CSMD2: variants seen among roughly 807,000 people sequenced by gnomAD.
The protein encoded by CSMD2 is CUB and Sushi multiple domains 2.
Under a neutral mutation model 398.5 loss-of-function variants are expected in CSMD2, and 130 were observed. The observed-to-expected ratio is 0.33, with a 90% CI of 0.28 to 0.38. The LOEUF is 0.38. Ranked by LOEUF, CSMD2 falls within the 10% of genes least tolerant of loss-of-function variation. The probability of loss-of-function intolerance (pLI) is 1.00; values close to 1 mark genes in which losing one functional copy is unlikely to be tolerated. For synonymous variants in CSMD2, 1,828 were observed against 1,908.5 expected (o/e 0.96, Z 1.10); for missense variants, 3,829 against 4,764.9 (o/e 0.80, Z 5.78).
intron 2 of CSMD2, 85 bp downstream of exon 2, chr1:34,088,892 C>A (rs1658225134): frequency 1.7e-6 from 2 of 1,156,418 alleles, no homozygotes; most frequent in Non-Finnish European, 2.6e-6. Context: ...TGACCATAAA[C>A]TTTTCACTCG....
intron 25 of CSMD2, among the ~76,000 whole-genome samples, chr1:33,681,501 A>G (rs1644907074): frequency 6.6e-6 from 1 of 152,174 alleles, no homozygotes; most frequent in African/African-American, 2.4e-5. Context: ...CCATCAAACC[A>G]TTGACAATAT....
chr1:34,127,097 A>G (rs1677745), intron 1 of CSMD2, among the ~76,000 whole-genome samples: 54,812 of 151,934 alleles, frequency 0.36, 10,992 homozygotes, highest in East Asian at 0.68. Context: ...GAGACCAGAT[A>G]GGGATAGCGG....
intron 3 of CSMD2, among the ~76,000 whole-genome samples, chr1:33,996,637 C>G (rs1479498183): frequency 6.6e-6 from 1 of 152,146 alleles, no homozygotes; most frequent in Non-Finnish European, 1.5e-5. Flanking sequence ...AAGGACACCA[C>G]CATCTCTGGA....
chr1:33,962,093 A>T (rs2125398784), intron 3 of CSMD2, among the ~76,000 whole-genome samples: 1 of 152,294 alleles, frequency 6.6e-6, no homozygotes, highest in South Asian at 2.1e-4. Context: ...AATGGAAAAC[A>T]TTCCAGCAAA....
At chr1:33,580,965 C>T in intron 47 of CSMD2, 66 bp from the exon 48 acceptor site, 1 of 1,544,474 alleles carries the variant, frequency 6.5e-7, no homozygotes, top group Non-Finnish European at 8.8e-7. Flanking sequence ...CAGGGAAGAC[C>T]TCAGGGCTCA....
chr1:33,724,537 G>A lies in CSMD2; in HGVS notation c.2863C>T (p.Arg955Trp), dbSNP rs759408814. ...LECEPNFQWS[R>W]ALPSCEALCG... ...TCACCTTCACAACTGGGCAGGGCCC[G>A]GCTCCACTGGAAGTTGGGCTCACAC... Residue 955 changes from arginine (R) to tryptophan (W), a missense_variant, in exon 18 of 71, where the codon CGG (arginine) becomes TGG (tryptophan). Physicochemically the swap from Arg to Trp is moderately radical, Grantham distance 101. Around this residue, in one of 5 missense-constraint regions of CSMD2, gnomAD observed 2,001 missense variants for 2,567.1 expected, o/e 0.78. Transcript: ENST00000373381. 3.1e-6 allele frequency: 5 copies of A among 1,614,066 alleles called. No individual in the cohort carries two copies. The highest frequency in any genetic ancestry group is 1.7e-5 in the Admixed American group (1 of 60,018).
intron 3 of CSMD2, among the ~76,000 whole-genome samples, chr1:33,999,706 C>A (rs554682334): frequency 4.9e-4 from 75 of 152,272 alleles, no homozygotes; most frequent in African/African-American, 1.7e-3. Flanking sequence ...AAACTAGATT[C>A]TTGGCCCTGG....
chr1:33,621,034 T>C (rs1641738446), intron 37 of CSMD2, among the ~76,000 whole-genome samples: 1 of 152,198 alleles, frequency 6.6e-6, no homozygotes, highest in African/African-American at 2.4e-5. Flanking sequence ...TAGCCAACCA[T>C]GCCTTCCTGC....
intron 26 of CSMD2, among the ~76,000 whole-genome samples, chr1:33,661,220 T>C (rs529092053): frequency 1.3e-5 from 2 of 152,228 alleles, no homozygotes; most frequent in African/African-American, 4.8e-5. Context: ...GCCGCACCCA[T>C]CAGCTTGGGC....
At chr1:34,071,836 T>C (rs951644855) in intron 2 of CSMD2, among the ~76,000 whole-genome samples, 1 of 152,196 alleles carries the variant, frequency 6.6e-6, no homozygotes, top group Non-Finnish European at 1.5e-5. Context: ...CTACGTAGAG[T>C]AGAAAGAATC....
intron 25 of CSMD2, among the ~76,000 whole-genome samples, chr1:33,680,844 G>A (rs1644884753): frequency 6.6e-6 from 1 of 151,462 alleles, no homozygotes; most frequent in Non-Finnish European, 1.5e-5. Flanking sequence ...TGAGATTTGG[G>A]GGTTATCTGT....
At chr1:33,798,408 C>T (rs565803710) in intron 10 of CSMD2, among the ~76,000 whole-genome samples, 1 of 152,274 alleles carries the variant, frequency 6.6e-6, no homozygotes, top group African/African-American at 2.4e-5. Context: ...AATCTAAATG[C>T]CCAGGACATG....
At chr1:33,759,450 T>C (rs1056760332) in intron 13 of CSMD2, among the ~76,000 whole-genome samples, 3 of 150,824 alleles carry the variant, frequency 2.0e-5, no homozygotes, top group African/African-American at 7.3e-5. Flanking sequence ...CTCAGCCTCC[T>C]GAGTACCTGG....
intron 36 of CSMD2, 25 bp downstream of exon 36, chr1:33,623,345 T>C (rs1465890782): frequency 6.5e-6 from 10 of 1,539,192 alleles, no homozygotes; most frequent in Non-Finnish European, 8.1e-6. Context: ...CCCTCCAAAT[T>C]GAAGCCCCTG....
At chr1:34,132,275 C>T (rs1018976366) in intron 1 of CSMD2, among the ~76,000 whole-genome samples, 1 of 152,082 alleles carries the variant, frequency 6.6e-6, no homozygotes, top group Non-Finnish European at 1.5e-5. Context: ...CTTTCCCTTC[C>T]CCTAATAAAG....
intron 12 of CSMD2, among the ~76,000 whole-genome samples, chr1:33,784,540 G>C (rs1008135816): frequency 6.6e-6 from 1 of 152,212 alleles, no homozygotes; most frequent in Non-Finnish European, 1.5e-5. Context: ...AGGCTCCTGC[G>C]AGCCTGATTC....
chr1:33,542,620 C>T (rs1656461034), intron 58 of CSMD2, 100 bp downstream of exon 58: 1 of 1,116,530 alleles, frequency 9.0e-7, no homozygotes. Context: ...GTCCGACCAT[C>T]CCAACCATTC....
intron 44 of CSMD2, among the ~76,000 whole-genome samples, chr1:33,595,925 T>C (rs561544621): frequency 2.1e-4 from 32 of 152,344 alleles, no homozygotes; most frequent in African/African-American, 7.5e-4. Context: ...GAAATGTATG[T>C]GCAAACACAC....
chr1:33,515,936 A>C lies in CSMD2; in HGVS notation c.*688T>G, dbSNP rs1653725786. ...AACTCAATAAAACAGTGTTTGAAAA[A>C]AATAAAGAAACTGATTTTCAATCTA... On this transcript the variant is annotated 3_prime_UTR_variant, in exon 71 of 71. Coordinates refer to ENST00000373381, the MANE Select transcript of CSMD2 (RefSeq NM_001281956.2). 1 of 152,196 alleles carries C rather than the reference A, an allele frequency of 6.6e-6. No individual in the cohort carries two copies. The highest frequency in any genetic ancestry group is 2.1e-4 in the South Asian group (1 of 4,834). 9.4% of individuals were successfully genotyped at this position (152,196 alleles called of 1,614,324 possible). A position where few individuals can be genotyped will look rare whatever the true frequency, so the allele number is the denominator to read the frequency against.
Sources: allele counts gnomAD v4.1 joint callset (sites outside exome capture counted in the v4.1 genomes callset), GRCh38; gene constraint gnomAD v4.1.1; regional missense constraint gnomAD v4.1.1; transcripts MANE v1.5; gene names NCBI Gene and HGNC (gene_info 2026-07-23, HGNC 2026-07-21).